TGFBR3: variants seen among roughly 807,000 people sequenced by gnomAD.
TGFBR3 encodes the protein transforming growth factor beta receptor 3.
A neutral mutation model predicts 87.9 loss-of-function variants in TGFBR3; 46 were observed. The ratio of observed to expected loss-of-function variants is 0.52; its 90% CI spans 0.41 to 0.67. TGFBR3 has a LOEUF of 0.67. TGFBR3 is among the 30% of genes least tolerant of loss of function. The pLI, the probability that TGFBR3 is intolerant of heterozygous loss-of-function variation, is 0.00. For missense variants in TGFBR3, 866 were observed against 1,041.9 expected, an observed-to-expected ratio of 0.83 and a Z score of 2.32; for synonymous variants, 381 against 391.6, an observed-to-expected ratio of 0.97 and a Z score of 0.32.
rs748025391 is a variant in TGFBR3 at position 91,712,287 on chromosome 1, T to C, written c.2122A>G (p.Thr708Ala). The change falls in exon 13 of 17, where the codon ACG (threonine) becomes GCG (alanine). Residue 708 changes from threonine to alanine, a missense_variant. Physicochemically the swap from Thr to Ala is moderately conservative, Grantham distance 58. Coordinates refer to ENST00000212355, the MANE Select transcript of TGFBR3 (RefSeq NM_003243.5). ...TGCTTCTCCATCTTCGTACACAGCG[T>C]CAGCTCACACTGTAGAAAGAGCAGT... Reference protein sequence around the residue: ...TSLLFLQCELTLCTKMEKHPQ... With the variant: ...TSLLFLQCELALCTKMEKHPQ... 1 of 1,614,192 alleles carries C rather than the reference T, an allele frequency of 6.2e-7. No individual in the cohort carries two copies. Among genetic ancestry groups the C allele is most frequent in the East Asian group, 2.2e-5 (1 of 44,862 alleles).
Position 91,681,992 on chromosome 1 carries a change from T to C in TGFBR3, c.*1747A>G, listed in dbSNP as rs1000353943. ...AAATTTTTCAGTAGATCAATGTAGA[T>C]AGCCTGGAAATCTCAGCCCTAAAGT... On this transcript the variant is annotated 3_prime_UTR_variant, in exon 17 of 17. Coordinates refer to ENST00000212355, the MANE Select transcript of TGFBR3 (RefSeq NM_003243.5). The C allele has an allele frequency of 8.8e-6, 4 of 453,774 alleles. No individual in the cohort carries two copies. Among genetic ancestry groups the C allele is most frequent in the South Asian group, 1.6e-5 (1 of 64,404 alleles). The allele number at this position is 453,774 out of a possible 1,614,324, so 28.1% of individuals were successfully genotyped here.
At chr1:91,867,908 A>T (rs1465390012) in intron 1 of TGFBR3, among the ~76,000 whole-genome samples, 5 of 152,048 alleles carry the variant, frequency 3.3e-5, no homozygotes, top group Non-Finnish European at 7.4e-5. Flanking sequence ...TGGCCCACAC[A>T]GTCTATTTTA....
chr1:91,681,564 A>G lies in TGFBR3; in HGVS notation c.*2175T>C, dbSNP rs534412268. 335 of 380,476 alleles carry G rather than the reference A, an allele frequency of 8.8e-4. 4 individuals carry two copies. The highest frequency in any genetic ancestry group is 6.9e-3 in the South Asian group (328 of 47,576). The allele number at this position is 380,476 out of a possible 1,614,324, so 23.6% of individuals were successfully genotyped here. Reference sequence around the variant, plus strand: ...CCTTCTAAGACATCAATCTTTTAATATCTCCTAATAGCTAATTTTCTTTTT... The same window carrying G: ...CCTTCTAAGACATCAATCTTTTAATGTCTCCTAATAGCTAATTTTCTTTTT... On this transcript the variant is annotated 3_prime_UTR_variant, in exon 17 of 17. Transcript: ENST00000212355.
At chr1:91,801,093 A>G in intron 2 of TGFBR3, 1 of 223,378 alleles carries the variant, frequency 4.5e-6, no homozygotes, top group Non-Finnish European at 8.9e-6. Flanking sequence ...CAAAAAAAAA[A>G]AAAAAAAGAG....
intron 2 of TGFBR3, among the ~76,000 whole-genome samples, chr1:91,846,246 T>G (rs1677495955): frequency 6.6e-6 from 1 of 152,162 alleles, no homozygotes; most frequent in African/African-American, 2.4e-5. Context: ...AGGCATTAGG[T>G]TTTTCAGCAT....
intron 14 of TGFBR3, among the ~76,000 whole-genome samples, chr1:91,707,097 G>C (rs1159812194): frequency 1.3e-5 from 2 of 152,232 alleles, no homozygotes. Flanking sequence ...GCATAGTTGA[G>C]TATTACAACT....
rs775066634 is a variant in TGFBR3 at position 91,708,852 on chromosome 1, A to G, written c.2167-69T>C. 62 of 1,593,670 alleles carry G rather than the reference A, an allele frequency of 3.9e-5. No homozygotes were observed. The Middle Eastern group carries it at 1.1e-3, about 27-fold the overall frequency. On this transcript the variant is annotated intron_variant, in intron 13 of 16. Transcript: ENST00000212355. The stretch of plus-strand genomic sequence containing the variant: ...AAGTGCCTTCACCAGCTCTACCTGC[A>G]CAGCTGTCCTGTGGCCTTTTATCAG...
chr1:91,825,337 A>G (rs17885754), intron 2 of TGFBR3, among the ~76,000 whole-genome samples: 1 of 152,250 alleles, frequency 6.6e-6, no homozygotes, highest in South Asian at 2.1e-4. Context: ...TACATGCTGC[A>G]ACATGGATGA....
intron 2 of TGFBR3, among the ~76,000 whole-genome samples, chr1:91,851,297 G>C (rs952759516): frequency 1.3e-5 from 2 of 152,128 alleles, no homozygotes; most frequent in Non-Finnish European, 2.9e-5. Context: ...TGCCCTCTCA[G>C]AAAACAAAAA....
At chr1:91,890,862 G>A (rs138867075), upstream of TGFBR3, among the ~76,000 whole-genome samples, 11 of 151,966 alleles carry the variant, frequency 7.2e-5, no homozygotes, top group East Asian at 1.4e-3. Context: ...TGCTACAGGT[G>A]AAAGACACCT....
intron 3 of TGFBR3, 136 bp from the exon 4 acceptor site, chr1:91,758,886 A>C (rs1673847920): frequency 2.8e-6 from 3 of 1,089,692 alleles, no homozygotes; most frequent in South Asian, 1.3e-5. Flanking sequence ...GATTCTATGA[A>C]TAAGATACAT....
At chr1:91,793,990 G>GT (rs909003612) in intron 3 of TGFBR3, among the ~76,000 whole-genome samples, 9 of 152,224 alleles carry the variant, frequency 5.9e-5, no homozygotes, top group African/African-American at 2.2e-4. Context: ...AGTTGAAGGA[G>GT]TAAGCAATCT....
chr1:91,734,788 T>C lies in TGFBR3; in HGVS notation c.556A>G (p.Lys186Glu), dbSNP rs1672903942. ...ACATAAAATTTACCTTCCCCCACTTTAATATAAATGTTTCTTGCTATCTTG... is the reference window on the plus strand; with the variant it reads ...ACATAAAATTTACCTTCCCCCACTTCAATATAAATGTTTCTTGCTATCTTG... ...ELKIARNIYI[K>E]VGEDQVFPPK... The change falls in exon 5 of 17, where the codon AAA becomes GAA. Residue 186 changes from lysine (K) to glutamate (E), a missense_variant. Physicochemically the swap from Lys to Glu is moderately conservative, Grantham distance 56. Transcript: ENST00000212355. 6.2e-7 allele frequency: 1 copy of C among 1,614,220 alleles called. No homozygotes were observed. The highest frequency in any genetic ancestry group is 8.5e-7 in the Non-Finnish European group (1 of 1,180,018).
chr1:91,814,654 T>C (rs993619425), intron 2 of TGFBR3, among the ~76,000 whole-genome samples: 3 of 152,138 alleles, frequency 2.0e-5, no homozygotes, highest in African/African-American at 7.2e-5. Flanking sequence ...ATAAACCCCT[T>C]CAAACAGGCC....
chr1:91,717,874 CTT>C (rs56325630), intron 10 of TGFBR3, among the ~76,000 whole-genome samples: 185 of 146,296 alleles, frequency 1.3e-3, no homozygotes, highest in Admixed American at 2.8e-3. Flanking sequence ...AAGCAACTGA[CTT>C]TTTTTTTTTT....
At chr1:91,848,546 G>C (rs1340930402) in intron 2 of TGFBR3, among the ~76,000 whole-genome samples, 1 of 152,032 alleles carries the variant, frequency 6.6e-6, no homozygotes, top group Non-Finnish European at 1.5e-5. Context: ...ATTTAAAAGT[G>C]ATTATTTTCT....
chr1:91,730,312 C>T (rs1311144397), intron 5 of TGFBR3, among the ~76,000 whole-genome samples: 2 of 152,160 alleles, frequency 1.3e-5, no homozygotes, highest in Non-Finnish European at 2.9e-5. Context: ...TCTGTATAGA[C>T]CCCAACCCAG....
intron 3 of TGFBR3, among the ~76,000 whole-genome samples, chr1:91,784,797 C>A (rs1557708910): frequency 6.6e-6 from 1 of 152,176 alleles, no homozygotes; most frequent in Non-Finnish European, 1.5e-5. Context: ...ACAGCACACA[C>A]ACTTTGAGAA....
chr1:91,853,369 G>A (rs1677818680), intron 2 of TGFBR3, among the ~76,000 whole-genome samples: 1 of 150,546 alleles, frequency 6.6e-6, no homozygotes, highest in African/African-American at 2.4e-5. Flanking sequence ...TACATTCCCT[G>A]GTGGTAGTCC....
Sources: gnomAD v4.1 joint callset for allele counts (sites outside exome capture counted in the v4.1 genomes callset) on GRCh38, gnomAD v4.1.1 for gene constraint, MANE v1.5 for transcripts, NCBI Gene and HGNC (gene_info 2026-07-23, HGNC 2026-07-21) for gene names.